Variants in SNTB2 observed in about 807,000 individuals in gnomAD.
SNTB2 encodes syntrophin beta 2.
A neutral mutation model predicts 46.2 loss-of-function variants in SNTB2; 34 were observed. The ratio of observed to expected loss-of-function variants is 0.74; its 90% CI spans 0.56 to 0.98. The LOEUF (loss-of-function observed/expected upper bound fraction) is 0.98. SNTB2 is among the 50% of genes least tolerant of loss of function. The probability of loss-of-function intolerance (pLI) is 0.00; values close to 1 mark genes in which losing one functional copy is unlikely to be tolerated. For missense variants in SNTB2, 603 were observed against 731.4 expected (o/e 0.82, Z 2.02); for synonymous variants, 290 against 312.6 (o/e 0.93, Z 0.76).
At chr16:69,208,957 T>G (rs1054901351) in intron 1 of SNTB2, among the ~76,000 whole-genome samples, 3 of 151,980 alleles carry the variant, frequency 2.0e-5, no homozygotes, top group African/African-American at 7.2e-5. Flanking sequence ...ATTGAGAAAC[T>G]AGATGAATTT....
intron 5 of SNTB2, among the ~76,000 whole-genome samples, chr16:69,285,769 G>A (rs1965097050): frequency 6.7e-6 from 1 of 150,216 alleles, no homozygotes; most frequent in Non-Finnish European, 1.5e-5. Flanking sequence ...GGGATTCCAG[G>A]CAGTGGCACC....
At chr16:69,225,916 C>T (rs958110777) in intron 1 of SNTB2, among the ~76,000 whole-genome samples, 2 of 151,574 alleles carry the variant, frequency 1.3e-5, no homozygotes, top group African/African-American at 4.9e-5. Flanking sequence ...TACAGGCGCC[C>T]GTCTCCACAC....
chr16:69,218,978 A>G (rs1485090112), intron 1 of SNTB2, among the ~76,000 whole-genome samples: 1 of 152,198 alleles, frequency 6.6e-6, no homozygotes, highest in African/African-American at 2.4e-5. Context: ...TGCCCCTTAC[A>G]GATTTTAGCT....
At position 69,187,510 on chromosome 16, in the gene SNTB2, G is replaced by A. The variant is rs1416601477; in HGVS notation, c.344G>A (p.Arg115Gln). Residue 115 changes from arginine (R) to glutamine (Q), a missense_variant, in exon 1 of 7, where the codon CGG becomes CAG. Physicochemically the swap from Arg to Gln is conservative, Grantham distance 43 (BLOSUM62 1). This residue lies in a region of SNTB2 where 537 missense variants were observed against 692.4 expected (regional missense o/e 0.78). Transcript: ENST00000336278. ...GEAGASPPVR[R>Q]VRVVKQEAGG... ...GCGGGCGCGTCGCCGCCCGTGCGCC[G>A]GGTGCGGGTGGTGAAGCAAGAGGCG... 6 of 1,309,410 alleles carry A rather than the reference G, an allele frequency of 4.6e-6. No individual in the cohort carries two copies. The African/African-American group carries it at 9.0e-5, about 20-fold the overall frequency. The allele number at this position is 1,309,410 out of a possible 1,614,324, so 81.1% of individuals were successfully genotyped here. A position where few individuals can be genotyped will look rare whatever the true frequency, so the allele number is the denominator to read the frequency against.
chr16:69,235,055 A>G (rs1964544629), intron 1 of SNTB2, among the ~76,000 whole-genome samples: 1 of 151,938 alleles, frequency 6.6e-6, no homozygotes, highest in Non-Finnish European at 1.5e-5. Flanking sequence ...AGTCTCTCCC[A>G]GGCTGGAGTG....
chr16:69,307,179 C>T lies in SNTB2; in HGVS notation c.*6255C>T, dbSNP rs1965323034. ...TAGTAGCACATAATCCGTTATTTCT[C>T]AGCACACCATGCCATCTGTTTATCA... On this transcript the variant is annotated 3_prime_UTR_variant, in exon 7 of 7. Transcript: ENST00000336278. 6.6e-6 allele frequency: 1 copy of T among 152,222 alleles called. No homozygotes were observed. The highest frequency in any genetic ancestry group is 2.4e-5 in the African/African-American group (1 of 41,444). The allele number at this position is 152,222 out of a possible 1,614,324, so 9.4% of individuals were successfully genotyped here. A position where few individuals can be genotyped will look rare whatever the true frequency, so the allele number is the denominator to read the frequency against.
intron 3 of SNTB2, among the ~76,000 whole-genome samples, chr16:69,260,490 A>G (rs1490442279): frequency 1.3e-5 from 2 of 152,176 alleles, no homozygotes; most frequent in Non-Finnish European, 2.9e-5. Context: ...AATCACTATC[A>G]TACTATTACT....
chr16:69,228,741 C>T (rs955455280), intron 1 of SNTB2, among the ~76,000 whole-genome samples: 51 of 152,122 alleles, frequency 3.4e-4, no homozygotes, highest in African/African-American at 1.2e-3. Flanking sequence ...AGTAAGTATA[C>T]ACATACTAAG....
chr16:69,296,423 C>T lies in SNTB2; in HGVS notation c.1346-3167C>T, dbSNP rs554356680. Among the ~76,000 whole-genome samples, 301 of 151,414 alleles carry T rather than the reference C, an allele frequency of 2.0e-3. 1 individual carries two copies. Among genetic ancestry groups the T allele is most frequent in the Non-Finnish European group, 3.5e-3 (236 of 67,734 alleles). On this transcript the variant is annotated intron_variant, in intron 5 of 6. Coordinates refer to ENST00000336278, the MANE Select transcript of SNTB2 (RefSeq NM_006750.4). Reference sequence around the variant, plus strand: ...CCAGGGGAAACAATCCAAAACAGAACATTTAAGAAATCTCAGGCCGGTCGC... The same window carrying T: ...CCAGGGGAAACAATCCAAAACAGAATATTTAAGAAATCTCAGGCCGGTCGC...
chr16:69,251,468 TAAAAAAA>T (rs71148976), intron 2 of SNTB2, among the ~76,000 whole-genome samples: 17 of 106,130 alleles, frequency 1.6e-4, no homozygotes, highest in African/African-American at 4.5e-4. Context: ...ATGTTTAGTT[TAAAAAAA>T]AAAAAAAAAA....
chr16:69,275,014 C>A (rs977053328), intron 4 of SNTB2, among the ~76,000 whole-genome samples: 1 of 151,704 alleles, frequency 6.6e-6, no homozygotes, highest in Admixed American at 6.6e-5. Context: ...CCCTCCCTTC[C>A]CTTCCCTTTC....
chr16:69,220,005 C>A (rs1052150653), intron 1 of SNTB2, among the ~76,000 whole-genome samples: 5 of 151,756 alleles, frequency 3.3e-5, no homozygotes, highest in Non-Finnish European at 7.4e-5. Context: ...CTGCCTTGGC[C>A]TCCCAAAGTG....
At chr16:69,237,775 T>C (rs1171469272) in intron 1 of SNTB2, among the ~76,000 whole-genome samples, 1 of 151,792 alleles carries the variant, frequency 6.6e-6, no homozygotes, top group African/African-American at 2.4e-5. Flanking sequence ...GCTAATTTTG[T>C]ATTTTTTGAG....
intron 1 of SNTB2, among the ~76,000 whole-genome samples, chr16:69,192,535 CTG>C (rs1964065505): frequency 6.6e-6 from 1 of 152,166 alleles, no homozygotes; most frequent in Non-Finnish European, 1.5e-5. Flanking sequence ...AAACAGTATA[CTG>C]TATCTGGTCA....
At chr16:69,296,448 C>T (rs965032026) in intron 5 of SNTB2, among the ~76,000 whole-genome samples, 2 of 149,370 alleles carry the variant, frequency 1.3e-5, no homozygotes, top group Admixed American at 6.7e-5. Context: ...AGGCCGGTCG[C>T]GGTGGCTCAT....
chr16:69,273,435 G>C (rs1488909805), intron 4 of SNTB2, among the ~76,000 whole-genome samples: 1 of 151,858 alleles, frequency 6.6e-6, no homozygotes, highest in Non-Finnish European at 1.5e-5. Flanking sequence ...CAGTGTAGAT[G>C]AATCTTGAAA....
intron 1 of SNTB2, among the ~76,000 whole-genome samples, chr16:69,213,822 CTTT>C (rs35759695): frequency 2.2e-5 from 2 of 91,634 alleles, no homozygotes; most frequent in African/African-American, 9.1e-5. Flanking sequence ...TTTTAGAGTT[CTTT>C]TTTTTTTTTT....
chr16:69,187,322 C>A lies in SNTB2; in HGVS notation c.156C>A (p.Gly52=). The change falls in exon 1 of 7, where the codon GGC becomes GGA. Residue 52 remains glycine, a synonymous_variant. Transcript: ENST00000336278. ...ELSGESLSLT[G]DAAAAELEPA... ...GCGGGGAGAGCCTGAGCCTGACGGG[C>A]GACGCCGCCGCGGCCGAGCTGGAGC... 6.9e-7 allele frequency: 1 copy of A among 1,452,334 alleles called. No individual in the cohort carries two copies. The allele number at this position is 1,452,334 out of a possible 1,614,324, so 90.0% of individuals were successfully genotyped here.
At chr16:69,262,618 A>G (rs796741837) in intron 3 of SNTB2, among the ~76,000 whole-genome samples, 1 of 152,014 alleles carries the variant, frequency 6.6e-6, no homozygotes, top group African/African-American at 2.4e-5. Context: ...CATCACCTCA[A>G]ATATTTATCA....
Sources: allele counts gnomAD v4.1 joint callset (sites outside exome capture counted in the v4.1 genomes callset), GRCh38; gene constraint gnomAD v4.1.1; regional missense constraint gnomAD v4.1.1; transcripts MANE v1.5; gene names NCBI Gene and HGNC (gene_info 2026-07-23, HGNC 2026-07-21).